Variants in MGA observed in about 807,000 individuals in gnomAD.
MGA encodes the protein MAX dimerization protein MGA, also known as MAX gene-associated protein.
Under a neutral mutation model 261.1 loss-of-function variants are expected in MGA, and 40 were observed. The ratio of observed to expected loss-of-function variants is 0.15; its 90% CI spans 0.12 to 0.20. The LOEUF (loss-of-function observed/expected upper bound fraction) is 0.20. MGA is among the 10% of genes least tolerant of loss of function. The probability of loss-of-function intolerance (pLI) is 1.00; values close to 1 mark genes in which losing one functional copy is unlikely to be tolerated. For synonymous variants in MGA, 1,302 were observed against 1,290.6 expected, an observed-to-expected ratio of 1.01 and a Z score of -0.19; for missense variants, 3,397 against 3,630.5, an observed-to-expected ratio of 0.94 and a Z score of 1.65.
intron 1 of MGA, among the ~76,000 whole-genome samples, chr15:41,667,548 C>T (rs2057820326): frequency 1.3e-5 from 2 of 152,038 alleles, no homozygotes; most frequent in African/African-American, 4.8e-5. Context: ...TCCCCCGCCG[C>T]TATTATTTTT....
chr15:41,689,627 G>A (rs559751032), intron 2 of MGA, among the ~76,000 whole-genome samples: 3 of 148,626 alleles, frequency 2.0e-5, no homozygotes, highest in African/African-American at 7.4e-5. Context: ...GTGCAGTGAT[G>A]TGATCTCAGC....
chr15:41,712,671 A>G (rs767749172), intron 8 of MGA, among the ~76,000 whole-genome samples: 1 of 151,748 alleles, frequency 6.6e-6, no homozygotes, highest in Non-Finnish European at 1.5e-5. Flanking sequence ...TTCTTTTTTT[A>G]TTAATTACCC....
At chr15:41,756,290 C>G (rs1473646560) in intron 18 of MGA, among the ~76,000 whole-genome samples, 1 of 152,068 alleles carries the variant, frequency 6.6e-6, no homozygotes, top group Non-Finnish European at 1.5e-5. Context: ...AAGAAGAAAC[C>G]TAAAAGCCCA....
At chr15:41,644,290 C>T (rs1300396475) in intron 1 of MGA, among the ~76,000 whole-genome samples, 1 of 138,638 alleles carries the variant, frequency 7.2e-6, no homozygotes, top group Non-Finnish European at 1.5e-5. Context: ...GGGAGGATTG[C>T]TTGAGGTCAG....
At chr15:41,630,034 A>T (rs1048191815) in intron 1 of MGA, among the ~76,000 whole-genome samples, 4 of 152,172 alleles carry the variant, frequency 2.6e-5, no homozygotes, top group South Asian at 2.1e-4. Context: ...GTTTGAGGAC[A>T]TAAACCCCCA....
At chr15:41,718,996 C>G (rs2151577591) in intron 9 of MGA, among the ~76,000 whole-genome samples, 1 of 152,026 alleles carries the variant, frequency 6.6e-6, no homozygotes, top group Middle Eastern at 3.4e-3. Flanking sequence ...ATAGGAAAAT[C>G]CTAGGGAATC....
At chr15:41,718,235 ATC>A in intron 9 of MGA, 1 of 199,252 alleles carries the variant, frequency 5.0e-6, no homozygotes, top group Non-Finnish European at 1.0e-5. Context: ...CAAGATATAT[ATC>A]TATCTCACTA....
chr15:41,670,413 A>C (rs2057982225), intron 2 of MGA, among the ~76,000 whole-genome samples: 1 of 152,204 alleles, frequency 6.6e-6, no homozygotes, highest in Non-Finnish European at 1.5e-5. Flanking sequence ...TAGAAAGTAG[A>C]ATGGTGGATG....
intron 9 of MGA, among the ~76,000 whole-genome samples, chr15:41,724,347 C>A (rs575914050): frequency 2.0e-5 from 3 of 152,120 alleles, no homozygotes; most frequent in Admixed American, 1.3e-4. Flanking sequence ...ACACATTTTC[C>A]GTATTCATCA....
At chr15:41,735,678 A>G (rs561361386) in intron 12 of MGA, among the ~76,000 whole-genome samples, 1 of 152,070 alleles carries the variant, frequency 6.6e-6, no homozygotes, top group South Asian at 2.1e-4. Flanking sequence ...CAGAGGTTGC[A>G]GTGAGCTATC....
At chr15:41,751,194 T>C (rs1370369285) in intron 17 of MGA, 1 of 152,258 alleles carries the variant, frequency 6.6e-6, no homozygotes, top group African/African-American at 2.4e-5. Context: ...ATATGACCTT[T>C]ATGGCCTATT....
intron 1 of MGA, among the ~76,000 whole-genome samples, chr15:41,642,274 A>AG (rs2056836643): frequency 1.3e-5 from 2 of 150,170 alleles, no homozygotes; most frequent in African/African-American, 4.9e-5. Context: ...TCAAGTCCCT[A>AG]GCCCATTTTT....
At chr15:41,715,218 C>T (rs1263880040) in intron 9 of MGA, among the ~76,000 whole-genome samples, 13 of 149,336 alleles carry the variant, frequency 8.7e-5, no homozygotes, top group African/African-American at 2.5e-4. Context: ...GGCACGATCT[C>T]GGCTCACTGC....
intron 5 of MGA, among the ~76,000 whole-genome samples, chr15:41,705,910 A>G (rs1404579736): frequency 1.3e-5 from 2 of 152,170 alleles, no homozygotes; most frequent in Admixed American, 6.5e-5. Context: ...TATTTGATTG[A>G]TGTTTTAATC....
At chr15:41,738,745 A>T (rs970075196) in intron 13 of MGA, among the ~76,000 whole-genome samples, 25 of 152,198 alleles carry the variant, frequency 1.6e-4, no homozygotes, top group African/African-American at 6.0e-4. Context: ...CGCAGTCCCA[A>T]GGGATCCGGG....
At position 41,767,078 on chromosome 15, in the gene MGA, C is replaced by T; in HGVS notation, c.8996C>T (p.Pro2999Leu). The T allele has an allele frequency of 2.5e-6, 4 of 1,614,014 alleles. No homozygotes were observed. The highest frequency in any genetic ancestry group is 3.4e-6 in the Non-Finnish European group (4 of 1,179,898). ...CCTCTAGGTTTAAAAGTAGCTAATC[C>T]TTCCAGTGATGCAGATGGTCAGAGT... The change falls in exon 24 of 24, where the codon CCT becomes CTT. Residue 2999 changes from proline (P) to leucine (L), a missense_variant. Pro to Leu is a moderately conservative substitution (Grantham distance 98). Transcript: ENST00000219905.
chr15:41,740,055 A>AGCATCCAATGCCAAGGTGGCT lies in MGA; in HGVS notation c.4445_4465dup (p.Asn1482_Ser1488dup). ...CCCTCAGTACTGTCATCTCCAAGGT[A>AGCATCCAATGCCAAGGTGGCT]GCATCCAATGCCAAGGTGGCTGCAT... On this transcript the variant is annotated inframe_insertion, in exon 14 of 24. Coordinates refer to ENST00000219905, the MANE Select transcript of MGA (RefSeq NM_001164273.2). 6.2e-7 allele frequency: 1 copy of AGCATCCAATGCCAAGGTGGCT among 1,614,006 alleles called. No individual in the cohort carries two copies. Among genetic ancestry groups the AGCATCCAATGCCAAGGTGGCT allele is most frequent in the South Asian group, 1.1e-5 (1 of 91,088 alleles).
chr15:41,650,255 AC>A (rs1285192113), intron 1 of MGA, among the ~76,000 whole-genome samples: 1 of 152,108 alleles, frequency 6.6e-6, no homozygotes, highest in East Asian at 1.9e-4. Context: ...TAAATGTTTG[AC>A]TTGAGGAATT....
Position 41,638,032 on chromosome 15 carries a change from C to CTTT in MGA, c.-68+16760_-68+16762dup, listed in dbSNP as rs56390631. Among the ~76,000 whole-genome samples the CTTT allele has an allele frequency of 3.5e-4, 15 of 43,004 alleles. 1 individual carries two copies. The highest frequency in any genetic ancestry group is 3.3e-3 in the South Asian group (2 of 598). The allele number at this position is 43,004 out of a possible 152,430, so 28.2% of individuals were successfully genotyped here. On this transcript the variant is annotated intron_variant, in intron 1 of 8. Transcript: ENST00000566718. ...AGACGTGAGCCACTACTGTGCCCAG[C>CTTT]TTTTTTTTTTTTTTTTTTTTTTTTT...
Sources: allele counts gnomAD v4.1 joint callset (sites outside exome capture counted in the v4.1 genomes callset), GRCh38; gene constraint gnomAD v4.1.1; transcripts MANE v1.5; gene names NCBI Gene and HGNC (gene_info 2026-07-23, HGNC 2026-07-21).